The following HECW1 variants were observed in gnomAD, a reference collection of about 807,000 sequenced individuals.
The protein encoded by HECW1 is E3 ubiquitin-protein ligase HECW1.
In HECW1, 61 loss-of-function variants were observed where a neutral mutation model predicts 182.3. That is an observed-to-expected ratio of 0.33 (90% CI 0.27 to 0.41). HECW1 has a LOEUF of 0.41. Among genes scored for constraint, HECW1 ranks in the 10% least tolerant of loss-of-function variants. The pLI is 1.00. For missense variants in HECW1, 1,739 were observed against 2,108.9 expected, an observed-to-expected ratio of 0.82 and a Z score of 3.44; for synonymous variants, 859 against 832.6, an observed-to-expected ratio of 1.03 and a Z score of -0.55.
intron 6 of HECW1, among the ~76,000 whole-genome samples, chr7:43,389,549 A>G (rs953903534): frequency 6.6e-6 from 1 of 152,206 alleles, no homozygotes; most frequent in South Asian, 2.1e-4. Flanking sequence ...AAAATCTACT[A>G]TTGGATTAAT....
At chr7:43,273,198 T>A (rs1802634156) in intron 3 of HECW1, among the ~76,000 whole-genome samples, 1 of 151,850 alleles carries the variant, frequency 6.6e-6, no homozygotes, top group South Asian at 2.1e-4. Flanking sequence ...GGGGCAAGGG[T>A]TGAAAAACTA....
intron 22 of HECW1, 83 bp downstream of exon 22, chr7:43,507,340 T>C: frequency 7.4e-7 from 1 of 1,357,898 alleles, no homozygotes; most frequent in South Asian, 1.4e-5. Context: ...AATATTGTTT[T>C]TGAGACTGGC....
At chr7:43,152,035 C>T (rs1789387305) in intron 2 of HECW1, among the ~76,000 whole-genome samples, 1 of 152,162 alleles carries the variant, frequency 6.6e-6, no homozygotes, top group Admixed American at 6.5e-5. Flanking sequence ...TGTCATCAAA[C>T]AGCTCATTTA....
chr7:43,257,753 G>A (rs1340579013), intron 3 of HECW1, among the ~76,000 whole-genome samples: 2 of 152,132 alleles, frequency 1.3e-5, no homozygotes, highest in African/African-American at 4.8e-5. Flanking sequence ...GAGTTTTTAG[G>A]TTTGTATCCA....
chr7:43,444,127 C>A lies in HECW1; in HGVS notation c.1046-91C>A. The A allele has an allele frequency of 7.8e-7, 1 of 1,286,570 alleles. No homozygotes were observed. Among genetic ancestry groups the A allele is most frequent in the Non-Finnish European group, 1.1e-6 (1 of 932,056 alleles). The allele number at this position is 1,286,570 out of a possible 1,614,324, so 79.7% of individuals were successfully genotyped here. On this transcript the variant is annotated intron_variant, in intron 10 of 29. Transcript: ENST00000395891. This position sits in a 1 kb window ranked among gnomAD's most constrained non-coding sequence, Gnocchi z 4.3. Reference sequence around the variant, plus strand: ...CATTCAATATCCTAATGTAGAAATCCCTTAGTGATGGCTTACATGTCCCAC... The same window carrying A: ...CATTCAATATCCTAATGTAGAAATCACTTAGTGATGGCTTACATGTCCCAC...
intron 6 of HECW1, among the ~76,000 whole-genome samples, chr7:43,378,893 A>C (rs2152825745): frequency 1.3e-5 from 2 of 152,316 alleles, no homozygotes; most frequent in East Asian, 3.9e-4. Flanking sequence ...GACTGTCTCA[A>C]AAAACAAAAT....
chr7:43,273,871 T>G (rs1208474421), intron 3 of HECW1, among the ~76,000 whole-genome samples: 1 of 149,910 alleles, frequency 6.7e-6, no homozygotes, highest in African/African-American at 2.5e-5. Context: ...TTTTTTTTTT[T>G]GAGATGGAGT....
intron 2 of HECW1, among the ~76,000 whole-genome samples, chr7:43,218,677 T>C (rs1377186126): frequency 6.6e-6 from 1 of 152,160 alleles, no homozygotes; most frequent in Non-Finnish European, 1.5e-5. Flanking sequence ...GGATTGATAG[T>C]TCTTGATGAA....
chr7:43,385,527 T>TG (rs2074759350), intron 6 of HECW1, among the ~76,000 whole-genome samples: 1 of 147,526 alleles, frequency 6.8e-6, no homozygotes, highest in Non-Finnish European at 1.5e-5. Context: ...TGGTAAAGCC[T>TG]GGGGCAGCTC....
At chr7:43,128,434 A>G (rs1379579497) in intron 2 of HECW1, among the ~76,000 whole-genome samples, 1 of 152,234 alleles carries the variant, frequency 6.6e-6, no homozygotes, top group African/African-American at 2.4e-5. Context: ...ATGAAGCTTG[A>G]ATGGCAGCAC....
At chr7:43,496,803 G>C (rs1304006691) in intron 19 of HECW1, among the ~76,000 whole-genome samples, 2 of 152,208 alleles carry the variant, frequency 1.3e-5, no homozygotes, top group East Asian at 3.9e-4. Flanking sequence ...ATGTAGAGAA[G>C]GGGATGGAGC....
Position 43,432,630 on chromosome 7 carries a change from G to A in HECW1, c.802-5373G>A, listed in dbSNP as rs2076590551. The stretch of plus-strand genomic sequence containing the variant: ...CCCAGCACTCCAGCACAGAAGGGTG[G>A]TAGCTGTGTCCCAGCACCCAGCTCA... On this transcript the variant is annotated intron_variant, in intron 8 of 29. Coordinates refer to ENST00000395891, the MANE Select transcript of HECW1 (RefSeq NM_015052.5). The surrounding 1 kb of genome is among the most constrained non-coding windows in gnomAD (Gnocchi z 4.1). Among the ~76,000 whole-genome samples the A allele has an allele frequency of 6.6e-6, 1 of 152,132 alleles. No individual in the cohort carries two copies. Among genetic ancestry groups the A allele is most frequent in the African/African-American group, 2.4e-5 (1 of 41,438 alleles).
At chr7:43,288,361 G>A (rs1314696616) in intron 3 of HECW1, among the ~76,000 whole-genome samples, 1 of 152,150 alleles carries the variant, frequency 6.6e-6, no homozygotes, top group Non-Finnish European at 1.5e-5. Flanking sequence ...AAAATCCCCA[G>A]GCAATACTGG....
intron 16 of HECW1, among the ~76,000 whole-genome samples, chr7:43,472,074 T>C (rs2078043559): frequency 6.6e-6 from 1 of 152,052 alleles, no homozygotes; most frequent in Admixed American, 6.6e-5. Context: ...AATAGCTGTT[T>C]TAAGATTGCA....
intron 6 of HECW1, among the ~76,000 whole-genome samples, chr7:43,373,201 C>CT (rs71562094): frequency 0.036 from 4,474 of 125,946 alleles, 105 homozygotes; most frequent in Middle Eastern, 0.059. Flanking sequence ...TGCCTTCTTC[C>CT]TTTTTTTTTT....
At chr7:43,491,306 G>A (rs951960572) in intron 17 of HECW1, among the ~76,000 whole-genome samples, 6 of 152,108 alleles carry the variant, frequency 3.9e-5, no homozygotes, top group African/African-American at 2.4e-5. Flanking sequence ...GTAAATTTTG[G>A]TTAATAATGC....
At position 43,311,899 on chromosome 7, in the gene HECW1, G is replaced by A; in HGVS notation, c.164G>A (p.Gly55Asp). 1 of 1,614,208 alleles carries A rather than the reference G, an allele frequency of 6.2e-7. No homozygotes were observed. Among genetic ancestry groups the A allele is most frequent in the Non-Finnish European group, 8.5e-7 (1 of 1,180,046 alleles). The change falls in exon 4 of 30, where the codon GGC becomes GAC. Residue 55 changes from glycine to aspartate, a missense_variant. Physicochemically the swap from Gly to Asp is moderately conservative, Grantham distance 94. Transcript: ENST00000395891. ...PDQFHNMDLR[G>D]GPHDGVTIPR... ...CAGTTCCACAACATGGACCTCAGGG[G>A]CGGCCCCCACGATGGCGTCACCATT...
intron 11 of HECW1, among the ~76,000 whole-genome samples, chr7:43,450,112 C>T (rs1226206174): frequency 3.3e-5 from 5 of 152,018 alleles, no homozygotes; most frequent in Admixed American, 2.6e-4. Flanking sequence ...GCTTTCCTGT[C>T]GCCGTCTTTC....
At chr7:43,531,509 A>T (rs943124681) in intron 24 of HECW1, among the ~76,000 whole-genome samples, 1 of 152,182 alleles carries the variant, frequency 6.6e-6, no homozygotes, top group Non-Finnish European at 1.5e-5. Flanking sequence ...CTCACATTGA[A>T]AAAACAACAA....
Sources: gnomAD v4.1 joint callset for allele counts (sites outside exome capture counted in the v4.1 genomes callset) on GRCh38, gnomAD v4.1.1 for gene constraint, Gnocchi (gnomAD v3.1) non-coding constraint, MANE v1.5 for transcripts, NCBI Gene and HGNC (gene_info 2026-07-23, HGNC 2026-07-21) for gene names.